The following SNTG1 variants were observed in gnomAD, a reference collection of about 807,000 sequenced individuals.
SNTG1 encodes the protein syntrophin gamma 1.
A neutral mutation model predicts 74.7 loss-of-function variants in SNTG1; 39 were observed. The observed-to-expected ratio is 0.52, with a 90% CI of 0.40 to 0.68. The LOEUF (loss-of-function observed/expected upper bound fraction) is 0.68. Ranked by LOEUF, SNTG1 falls within the 30% of genes least tolerant of loss-of-function variation. The probability of loss-of-function intolerance (pLI) is 0.00; values close to 1 mark genes in which losing one functional copy is unlikely to be tolerated. For synonymous variants in SNTG1, 254 were observed against 217.1 expected (o/e 1.17, Z -1.49); for missense variants, 685 against 609.5 (o/e 1.12, Z -1.30).
intron 13 of SNTG1, among the ~76,000 whole-genome samples, chr8:50,648,817 C>T (rs2095126649): frequency 6.6e-6 from 1 of 152,058 alleles, no homozygotes; most frequent in African/African-American, 2.4e-5. Flanking sequence ...CTGCCTGCTC[C>T]CTACTTAGTG....
intron 18 of SNTG1, among the ~76,000 whole-genome samples, chr8:50,783,476 T>C (rs2095666035): frequency 6.6e-6 from 1 of 152,178 alleles, no homozygotes; most frequent in South Asian, 2.1e-4. Context: ...TCAGGGAGAC[T>C]CCATGGGCAT....
intron 15 of SNTG1, among the ~76,000 whole-genome samples, chr8:50,693,832 A>C (rs1411954755): frequency 1.3e-5 from 2 of 152,242 alleles, no homozygotes; most frequent in African/African-American, 4.8e-5. Flanking sequence ...AAATATATGA[A>C]TATTAAACAA....
chr8:50,577,276 G>C (rs764656834), intron 12 of SNTG1, among the ~76,000 whole-genome samples: 7 of 152,030 alleles, frequency 4.6e-5, no homozygotes, highest in African/African-American at 1.7e-4. Flanking sequence ...GAACTACTTC[G>C]ATTGATTTTC....
intron 2 of SNTG1, among the ~76,000 whole-genome samples, chr8:50,194,143 G>A (rs915627058): frequency 6.6e-6 from 1 of 152,016 alleles, no homozygotes; most frequent in Non-Finnish European, 1.5e-5. Flanking sequence ...TTTCAGTTAT[G>A]TCCTTTCCTG....
Position 50,165,574 on chromosome 8 carries a change from T to G in SNTG1, c.-102-6987T>G, listed in dbSNP as rs1027900192. ...AAGTGAAGCAATTAAATTTACGTCA[T>G]CTTCAGCCACGGACACTCATCGACC... On this transcript the variant is annotated intron_variant, in intron 1 of 18. Coordinates refer to ENST00000642720, the MANE Select transcript of SNTG1 (RefSeq NM_018967.5). Among the ~76,000 whole-genome samples, 3 of 152,184 alleles carry G rather than the reference T, an allele frequency of 2.0e-5. No individual in the cohort carries two copies. The East Asian group carries it at 5.8e-4, about 29-fold the overall frequency.
chr8:50,381,370 A>T (rs1041284355), intron 2 of SNTG1, among the ~76,000 whole-genome samples: 36 of 151,762 alleles, frequency 2.4e-4, no homozygotes, highest in Non-Finnish European at 4.3e-4. Context: ...TTAAAAAATC[A>T]TATACAGAAA....
chr8:50,060,526 T>C (rs1820380163), intron 1 of SNTG1, among the ~76,000 whole-genome samples: 1 of 152,060 alleles, frequency 6.6e-6, no homozygotes, highest in African/African-American at 2.4e-5. Context: ...GTTTTTTAGA[T>C]GGTGTGATTT....
intron 2 of SNTG1, among the ~76,000 whole-genome samples, chr8:50,274,188 G>A (rs573285219): frequency 8.9e-4 from 136 of 152,098 alleles, no homozygotes; most frequent in African/African-American, 3.1e-3. Flanking sequence ...CCAGGTTCAA[G>A]CGATTCTCCC....
At chr8:49,993,535 G>A (rs548757626) in intron 1 of SNTG1, among the ~76,000 whole-genome samples, 111 of 151,984 alleles carry the variant, frequency 7.3e-4, no homozygotes, top group Non-Finnish European at 1.4e-3. Context: ...TTAGGTATTT[G>A]TACTAATGCT....
intron 1 of SNTG1, among the ~76,000 whole-genome samples, chr8:49,977,935 T>C (rs1418496939): frequency 3.9e-5 from 6 of 152,326 alleles, no homozygotes; most frequent in Admixed American, 1.3e-4. Context: ...ACTAGATTTG[T>C]GACCAGGGGG....
At chr8:50,282,032 A>T (rs1298965322) in intron 2 of SNTG1, among the ~76,000 whole-genome samples, 3 of 152,116 alleles carry the variant, frequency 2.0e-5, no homozygotes, top group Non-Finnish European at 4.4e-5. Flanking sequence ...AAACTGCCCA[A>T]ATCCAAAGGG....
chr8:50,794,517 C>T lies in SNTG1; in HGVS notation c.*1688C>T, dbSNP rs1344138402. 1 of 151,924 alleles carries T rather than the reference C, an allele frequency of 6.6e-6. No homozygotes were observed. The allele number at this position is 151,924 out of a possible 1,614,324, so 9.4% of individuals were successfully genotyped here. The stretch of plus-strand genomic sequence containing the variant: ...TGTATTTTGACCGTAAAACTAAGTA[C>T]ACATTTGTAATTAGGATAGAACTTT... On this transcript the variant is annotated 3_prime_UTR_variant, in exon 19 of 19. Transcript: ENST00000642720.
At chr8:49,990,497 G>A (rs1813576124) in intron 1 of SNTG1, among the ~76,000 whole-genome samples, 1 of 151,958 alleles carries the variant, frequency 6.6e-6, no homozygotes, top group Admixed American at 6.6e-5. Context: ...AACAATGTTA[G>A]AGGCCTCACA....
At chr8:50,166,915 A>T (rs2082633703) in intron 1 of SNTG1, among the ~76,000 whole-genome samples, 1 of 150,768 alleles carries the variant, frequency 6.6e-6, no homozygotes, top group South Asian at 2.1e-4. Flanking sequence ...AATGTGGCAA[A>T]TATACACCAT....
At chr8:50,611,368 CAG>C (rs1252450045) in intron 13 of SNTG1, among the ~76,000 whole-genome samples, 2 of 152,112 alleles carry the variant, frequency 1.3e-5, no homozygotes, top group East Asian at 3.9e-4. Context: ...GAATCCCAGA[CAG>C]AGAACAGAGG....
intron 12 of SNTG1, among the ~76,000 whole-genome samples, 153 bp downstream of exon 12, chr8:50,553,332 A>G (rs989758374): frequency 6.6e-6 from 1 of 152,212 alleles, no homozygotes; most frequent in African/African-American, 2.4e-5. Flanking sequence ...AAGAAAACTG[A>G]GAGTTCTGGC....
chr8:49,999,671 T>A (rs1270740469), intron 1 of SNTG1, among the ~76,000 whole-genome samples: 1 of 152,158 alleles, frequency 6.6e-6, no homozygotes, highest in Non-Finnish European at 1.5e-5. Context: ...TCTCCCCATT[T>A]CTTCCTGGGG....
At chr8:50,091,828 T>A (rs1270925580) in intron 1 of SNTG1, among the ~76,000 whole-genome samples, 1 of 152,140 alleles carries the variant, frequency 6.6e-6, no homozygotes, top group Non-Finnish European at 1.5e-5. Context: ...AATTTAATTT[T>A]TTTTTCTCCT....
chr8:50,638,376 T>C (rs1225635535), intron 13 of SNTG1, among the ~76,000 whole-genome samples: 1 of 152,174 alleles, frequency 6.6e-6, no homozygotes. Flanking sequence ...GAAAGTGAGG[T>C]GCCACTATAA....
Sources: gnomAD v4.1 joint callset for allele counts (sites outside exome capture counted in the v4.1 genomes callset) on GRCh38, gnomAD v4.1.1 for gene constraint, MANE v1.5 for transcripts, NCBI Gene and HGNC (gene_info 2026-07-23, HGNC 2026-07-21) for gene names.